Variants in GAS2 observed in about 807,000 individuals in gnomAD.
GAS2 encodes the protein growth arrest-specific protein 2.
Under a neutral mutation model 37.5 loss-of-function variants are expected in GAS2, and 20 were observed. That is an observed-to-expected ratio of 0.53 (90% confidence interval 0.37 to 0.77). GAS2 has a LOEUF of 0.77. GAS2 is among the 30% of genes least tolerant of loss of function. GAS2 has a pLI of 0.00. For synonymous variants in GAS2, 144 were observed against 132.2 expected, an observed-to-expected ratio of 1.09 and a Z score of -0.61; for missense variants, 336 against 373.4, an observed-to-expected ratio of 0.90 and a Z score of 0.82.
At chr11:22,657,431 C>T (rs953726784) in intron 1 of GAS2, among the ~76,000 whole-genome samples, 3 of 151,972 alleles carry the variant, frequency 2.0e-5, no homozygotes, top group Non-Finnish European at 4.4e-5. Flanking sequence ...ATGTTTGGCC[C>T]CAGAGGAGAT....
At chr11:22,726,886 G>A (rs374144159) in intron 4 of GAS2, among the ~76,000 whole-genome samples, 2 of 152,024 alleles carry the variant, frequency 1.3e-5, no homozygotes, top group African/African-American at 4.8e-5. Flanking sequence ...TTTATTGAAC[G>A]TACAGATTAC....
In GAS2 at chr11:22,701,566, C is replaced by T. The variant is rs142080912; in HGVS notation, c.267+15777C>T. ...GGAAAGGGCTGGGCGCGGTGGCTCACGCCTGTAATCCCAGCACTTTGGGAG... is the reference window on the plus strand; with the variant it reads ...GGAAAGGGCTGGGCGCGGTGGCTCATGCCTGTAATCCCAGCACTTTGGGAG... On this transcript the variant is annotated intron_variant, in intron 3 of 7. Coordinates refer to ENST00000454584, the MANE Select transcript of GAS2 (RefSeq NM_001143830.3). 8.3e-4 allele frequency among the ~76,000 whole-genome samples: 126 copies of T among 152,174 alleles called. 2 individuals are homozygous for T. The highest frequency in any genetic ancestry group is 2.5e-3 in the African/African-American group (103 of 41,546).
chr11:22,724,204 A>G (rs1360413166), intron 3 of GAS2, among the ~76,000 whole-genome samples: 1 of 152,020 alleles, frequency 6.6e-6, no homozygotes, highest in Non-Finnish European at 1.5e-5. Context: ...GATCCATCAT[A>G]GGAAAAATAT....
Position 22,674,893 on chromosome 11 carries a change from G to A in GAS2, c.24G>A (p.Lys8=), listed in dbSNP as rs759888461. 5.6e-6 allele frequency: 9 copies of A among 1,612,406 alleles called. No individual in the cohort carries two copies. Among genetic ancestry groups the A allele is most frequent in the Middle Eastern group, 1.6e-4 (1 of 6,068 alleles). Residue 8 remains lysine (K), a synonymous_variant, in exon 2 of 8, where the codon AAG becomes AAA. Transcript: ENST00000454584. The part of the protein sequence containing the change: MCTALSP[K]VRSGPGLSDM... ...TAATGTGCACTGCTCTGAGCCCAAAGGTACGCAGTGGACCTGGCCTCTCTG... is the reference window on the plus strand; with the variant it reads ...TAATGTGCACTGCTCTGAGCCCAAAAGTACGCAGTGGACCTGGCCTCTCTG...
intron 7 of GAS2, among the ~76,000 whole-genome samples, chr11:22,791,539 A>T (rs1214973573): frequency 2.6e-5 from 4 of 152,238 alleles, no homozygotes; most frequent in Non-Finnish European, 5.9e-5. Context: ...TAAAATCTGG[A>T]GGCCACTAAT....
At chr11:22,787,534 A>G (rs901244546) in intron 7 of GAS2, among the ~76,000 whole-genome samples, 3 of 152,014 alleles carry the variant, frequency 2.0e-5, no homozygotes, top group African/African-American at 7.2e-5. Flanking sequence ...ACTTTCACAC[A>G]GAGAAACATA....
chr11:22,791,024 G>T (rs1292720267), intron 7 of GAS2, among the ~76,000 whole-genome samples: 1 of 152,056 alleles, frequency 6.6e-6, no homozygotes, highest in Admixed American at 6.6e-5. Flanking sequence ...AGAAATTCTA[G>T]CAAAAATAGC....
At chr11:22,695,181 T>C (rs1850439499) in intron 3 of GAS2, among the ~76,000 whole-genome samples, 1 of 151,806 alleles carries the variant, frequency 6.6e-6, no homozygotes. Flanking sequence ...ATTAGCTGGG[T>C]GTGGTGGCAT....
At chr11:22,758,700 G>C (rs1221215104) in intron 7 of GAS2, among the ~76,000 whole-genome samples, 5 of 152,080 alleles carry the variant, frequency 3.3e-5, no homozygotes, top group Admixed American at 3.3e-4. Flanking sequence ...GATCACCTGA[G>C]GTTGGGAGTT....
chr11:22,644,618 T>C lies in GAS2; in HGVS notation c.-21+18805T>C, dbSNP rs549554569. On this transcript the variant is annotated intron_variant, in intron 1 of 5. Coordinates refer to the GAS2 transcript ENST00000528582. ...TTGAGTGAAAGCTCCTACTCGTTGA[T>C]TTTGTTTGTTTTTCATTTTTGAGAT... Among the ~76,000 whole-genome samples, 68 of 152,288 alleles carry C rather than the reference T, an allele frequency of 4.5e-4. No individual in the cohort carries two copies. The South Asian group carries it at 6.2e-3, about 14-fold the overall frequency.
intron 3 of GAS2, among the ~76,000 whole-genome samples, chr11:22,714,664 C>T (rs1224784351): frequency 1.3e-5 from 2 of 152,144 alleles, no homozygotes; most frequent in Non-Finnish European, 2.9e-5. Context: ...ATATCAAGTA[C>T]TCTCTCAGCC....
intron 5 of GAS2, among the ~76,000 whole-genome samples, chr11:22,741,667 A>T (rs1014128964): frequency 4.6e-5 from 7 of 152,144 alleles, no homozygotes; most frequent in African/African-American, 1.4e-4. Context: ...AAAAGAAAAA[A>T]ATATTCTTAT....
intron 4 of GAS2, 45 bp downstream of exon 4, chr11:22,726,478 A>C (rs370230678): frequency 3.2e-6 from 5 of 1,558,254 alleles, no homozygotes; most frequent in Non-Finnish European, 3.5e-6. Context: ...TACGCAAATT[A>C]TCTTTTGTCT....
At chr11:22,643,429 A>G (rs996016888) in intron 1 of GAS2, among the ~76,000 whole-genome samples, 2 of 147,810 alleles carry the variant, frequency 1.4e-5, no homozygotes, top group Non-Finnish European at 3.0e-5. Context: ...CCATTTTTAC[A>G]TGTTTGCCAC....
chr11:22,656,590 G>T (rs1426321046), intron 1 of GAS2, among the ~76,000 whole-genome samples: 1 of 152,182 alleles, frequency 6.6e-6, no homozygotes, highest in Non-Finnish European at 1.5e-5. Flanking sequence ...TAAACAGTTT[G>T]CTTTCACGAG....
At chr11:22,780,732 G>C (rs1187726212) in intron 7 of GAS2, among the ~76,000 whole-genome samples, 1 of 151,000 alleles carries the variant, frequency 6.6e-6, no homozygotes, top group Non-Finnish European at 1.5e-5. Flanking sequence ...TCAATACTTT[G>C]CCATCACTGG....
intron 1 of GAS2, among the ~76,000 whole-genome samples, chr11:22,654,383 C>G (rs1848832334): frequency 6.6e-6 from 1 of 151,242 alleles, no homozygotes; most frequent in Non-Finnish European, 1.5e-5. Flanking sequence ...CTCCCTCCCT[C>G]TCTTCCTTCT....
In GAS2 at chr11:22,737,764, G is replaced by A; in HGVS notation, c.469G>A (p.Ala157Thr). 2 of 1,613,940 alleles carry A rather than the reference G, an allele frequency of 1.2e-6. No individual in the cohort carries two copies. Among genetic ancestry groups the A allele is most frequent in the Non-Finnish European group, 8.5e-7 (1 of 1,179,938 alleles). Residue 157 changes from alanine (A) to threonine (T), a missense_variant, in exon 5 of 8, where the codon GCC becomes ACC. Transcript: ENST00000454584. ...TCTGCTAGAGCTTGGCCGGATTGCA[G>A]CCAGGTAGGTCAAACCACTGCAACT... ...LCLLELGRIA[A>T]RYGVEPPGLI...
intron 7 of GAS2, among the ~76,000 whole-genome samples, chr11:22,774,546 T>C (rs1855154534): frequency 6.6e-6 from 1 of 152,208 alleles, no homozygotes; most frequent in African/African-American, 2.4e-5. Context: ...CTAGATTTTT[T>C]TGGTAGCAAA....
Sources: gnomAD v4.1 joint callset for allele counts (sites outside exome capture counted in the v4.1 genomes callset) on GRCh38, gnomAD v4.1.1 for gene constraint, MANE v1.5 for transcripts, NCBI Gene and HGNC (gene_info 2026-07-23, HGNC 2026-07-21) for gene names.